The following AUH variants were observed in gnomAD, a reference collection of about 807,000 sequenced individuals.
AUH encodes the protein methylglutaconyl-CoA hydratase, mitochondrial.
A neutral mutation model predicts 42.3 loss-of-function variants in AUH; 29 were observed. The observed-to-expected ratio is 0.69, with a 90% CI of 0.51 to 0.93. The LOEUF is 0.93. Ranked by LOEUF, AUH falls within the 40% of genes least tolerant of loss-of-function variation. The probability of loss-of-function intolerance (pLI) is 0.00; values close to 1 mark genes in which losing one functional copy is unlikely to be tolerated. For missense variants in AUH, 452 were observed against 438.1 expected (o/e 1.03, Z -0.28); for synonymous variants, 174 against 166.4 (o/e 1.05, Z -0.35).
At chr9:91,355,489 G>A (rs527442735) in intron 3 of AUH, among the ~76,000 whole-genome samples, 3 of 152,002 alleles carry the variant, frequency 2.0e-5, no homozygotes, top group East Asian at 1.9e-4. Flanking sequence ...CTGGGGAGAC[G>A]AGGGTTGCAG....
At chr9:91,312,087 T>C (rs149834659) in intron 4 of AUH, among the ~76,000 whole-genome samples, 32 of 152,166 alleles carry the variant, frequency 2.1e-4, no homozygotes, top group African/African-American at 7.5e-4. Context: ...CTTTCTAAGA[T>C]ACTAGGAACA....
At chr9:91,236,497 A>C (rs557250877) in intron 6 of AUH, among the ~76,000 whole-genome samples, 1 of 152,330 alleles carries the variant, frequency 6.6e-6, no homozygotes, top group Admixed American at 6.5e-5. Context: ...CATGAAATCT[A>C]GGCTGTGTGA....
At position 91,271,842 on chromosome 9, in the gene AUH, G is replaced by A. The variant is rs568235676; in HGVS notation, c.655+24179C>T. 3.9e-5 allele frequency among the ~76,000 whole-genome samples: 6 copies of A among 152,172 alleles called. No individual in the cohort carries two copies. In the South Asian group the frequency reaches 1.0e-3, roughly 26 times the overall value. On this transcript the variant is annotated intron_variant, in intron 6 of 9. Transcript: ENST00000375731. ...ATTACAGGCGCCCGCCACCACGCCC[G>A]GCTAATTCTTTGTATTTTTAGTATA...
In AUH at chr9:91,325,313, C is replaced by T. The variant is rs770004060; in HGVS notation, c.505+5G>A. ...ATGCTGAAAGAAGAACTTAATAGTG[C>T]TTACCAATATCGTTAATCACTGCTC... On this transcript the variant is annotated splice_donor_5th_base_variant and intron_variant, in intron 4 of 9. Coordinates refer to ENST00000375731, the MANE Select transcript of AUH (RefSeq NM_001698.3). The T allele has an allele frequency of 8.1e-6, 13 of 1,611,300 alleles. No individual in the cohort carries two copies. The Admixed American group carries it at 1.5e-4, about 19-fold the overall frequency.
intron 3 of AUH, among the ~76,000 whole-genome samples, chr9:91,339,508 T>A (rs1005065588): frequency 1.3e-5 from 2 of 152,114 alleles, no homozygotes; most frequent in Non-Finnish European, 2.9e-5. Context: ...AAACTGGAAA[T>A]GGAGGTAACA....
chr9:91,231,579 T>TTCTAAACA (rs1477923908), intron 6 of AUH, among the ~76,000 whole-genome samples: 3 of 152,148 alleles, frequency 2.0e-5, no homozygotes, highest in Non-Finnish European at 4.4e-5. Context: ...AAAGTGCCAC[T>TTCTAAACA]TCTAAACAGT....
At position 91,217,324 on chromosome 9, in the gene AUH, G is replaced by A. The variant is rs1192306199; in HGVS notation, c.847C>T (p.Pro283Ser). Residue 283 changes from proline to serine, a missense_variant, in exon 8 of 10, where the codon CCT becomes TCT. Transcript: ENST00000375731. ...AATTTTGCCACTCTCATTGCAACAGGTCCCTAAAATTCAAATTAAAGAAAC... is the reference window on the plus strand; with the variant it reads ...AATTTTGCCACTCTCATTGCAACAGATCCCTAAAATTCAAATTAAAGAAAC... The part of the protein sequence containing the change: ...DLAREFLPQG[P>S]VAMRVAKLAI... 1 of 1,613,112 alleles carries A rather than the reference G, an allele frequency of 6.2e-7. No individual in the cohort carries two copies. The highest frequency in any genetic ancestry group is 8.5e-7 in the Non-Finnish European group (1 of 1,179,346).
chr9:91,322,085 A>G (rs1280928268), intron 4 of AUH, among the ~76,000 whole-genome samples: 1 of 152,230 alleles, frequency 6.6e-6, no homozygotes, highest in Admixed American at 6.5e-5. Context: ...CTGTAATGTT[A>G]TAATAAAAAG....
At chr9:91,261,681 C>A (rs1829715821) in intron 6 of AUH, among the ~76,000 whole-genome samples, 1 of 152,222 alleles carries the variant, frequency 6.6e-6, no homozygotes, top group African/African-American at 2.4e-5. Flanking sequence ...GTTCCTCTTT[C>A]TTTCACTGTA....
chr9:91,221,017 G>A (rs746917200), intron 6 of AUH, 25 bp from the exon 7 acceptor site: 23 of 1,612,738 alleles, frequency 1.4e-5, no homozygotes, highest in Middle Eastern at 1.7e-4. Flanking sequence ...AGAGAGAAAA[G>A]GCAATGATTT....
intron 7 of AUH, chr9:91,218,806 C>T: frequency 1.3e-5 from 13 of 985,104 alleles, no homozygotes; most frequent in Non-Finnish European, 1.6e-5. Context: ...ATCTGGAGGA[C>T]TAATCATTTG....
At chr9:91,227,268 A>G (rs1196138061) in intron 6 of AUH, among the ~76,000 whole-genome samples, 7 of 138,858 alleles carry the variant, frequency 5.0e-5, no homozygotes, top group East Asian at 2.2e-4. Context: ...GGTCGTTCAC[A>G]TCCCTTGTAA....
intron 9 of AUH, among the ~76,000 whole-genome samples, chr9:91,215,723 T>G (rs141774748): frequency 6.2e-4 from 94 of 152,274 alleles, no homozygotes; most frequent in African/African-American, 2.1e-3. Context: ...CACACGCTCA[T>G]CACCACTCTC....
At chr9:91,271,908 T>G (rs1284004035) in intron 6 of AUH, among the ~76,000 whole-genome samples, 1 of 152,198 alleles carries the variant, frequency 6.6e-6, no homozygotes, top group Admixed American at 6.5e-5. Flanking sequence ...TCTGGAACTC[T>G]TGACCTCAGG....
At chr9:91,287,702 C>T (rs1441770913) in intron 6 of AUH, among the ~76,000 whole-genome samples, 2 of 151,524 alleles carry the variant, frequency 1.3e-5, no homozygotes, top group Non-Finnish European at 2.9e-5. Flanking sequence ...CAGATTTAAC[C>T]AAATGAAAAA....
intron 3 of AUH, among the ~76,000 whole-genome samples, chr9:91,343,625 G>A (rs1449962958): frequency 6.6e-6 from 1 of 152,164 alleles, no homozygotes; most frequent in Non-Finnish European, 1.5e-5. Flanking sequence ...TTAGCCAGGT[G>A]TGGTGGTGCA....
intron 7 of AUH, among the ~76,000 whole-genome samples, chr9:91,219,271 C>T (rs1826999757): frequency 6.6e-6 from 1 of 152,190 alleles, no homozygotes; most frequent in African/African-American, 2.4e-5. Flanking sequence ...GCTGAACATC[C>T]ATGTCAGGAG....
intron 6 of AUH, among the ~76,000 whole-genome samples, chr9:91,272,897 T>G (rs533378260): frequency 6.6e-6 from 1 of 151,970 alleles, no homozygotes; most frequent in South Asian, 2.1e-4. Flanking sequence ...TCTAAAGAAA[T>G]AGGAGAGCAA....
At chr9:91,269,504 A>C (rs959680911) in intron 6 of AUH, among the ~76,000 whole-genome samples, 1 of 152,244 alleles carries the variant, frequency 6.6e-6, no homozygotes, top group African/African-American at 2.4e-5. Flanking sequence ...ATAAACATTT[A>C]AATTATTTTC....
Sources: gnomAD v4.1 joint callset for allele counts (sites outside exome capture counted in the v4.1 genomes callset) on GRCh38, gnomAD v4.1.1 for gene constraint, MANE v1.5 for transcripts, NCBI Gene and HGNC (gene_info 2026-07-23, HGNC 2026-07-21) for gene names.